TPRG1: variants seen among roughly 807,000 people sequenced by gnomAD.
TPRG1 encodes the protein tumor protein p63-regulated gene 1 protein.
TPRG1 carries 29 observed loss-of-function variants against 29.3 expected under a neutral mutation model. That is an observed-to-expected ratio of 0.99 (90% CI 0.74 to 1.35). The LOEUF (loss-of-function observed/expected upper bound fraction) is 1.35, where lower values mean the gene tolerates loss of function less well. Among genes scored for constraint, TPRG1 ranks in the 40% most tolerant of loss-of-function variants. The pLI is 0.00. For synonymous variants in TPRG1, 130 were observed against 116.8 expected, an observed-to-expected ratio of 1.11 and a Z score of -0.73; for missense variants, 327 against 335.0, an observed-to-expected ratio of 0.98 and a Z score of 0.19.
chr3:189,086,617 T>A (rs1383899288), intron 4 of TPRG1, among the ~76,000 whole-genome samples: 1 of 151,238 alleles, frequency 6.6e-6, no homozygotes, highest in African/African-American at 2.4e-5. Context: ...AACCTCCGCC[T>A]CCCGGATTCA....
intron 3 of TPRG1, among the ~76,000 whole-genome samples, chr3:189,137,418 C>CA (rs1433071123): frequency 1.4e-5 from 2 of 147,414 alleles, no homozygotes; most frequent in African/African-American, 2.5e-5. Flanking sequence ...CAGAACAAAA[C>CA]AAAAAAACAA....
At chr3:189,281,156 A>G (rs1717063507) in intron 4 of TPRG1, among the ~76,000 whole-genome samples, 1 of 152,200 alleles carries the variant, frequency 6.6e-6, no homozygotes, top group Non-Finnish European at 1.5e-5. Context: ...TCATTTCACA[A>G]ATGAGGAAGC....
intron 1 of TPRG1, among the ~76,000 whole-genome samples, chr3:189,106,673 T>C (rs751302814): frequency 1.8e-4 from 27 of 152,180 alleles, no homozygotes; most frequent in Non-Finnish European, 4.0e-4. Flanking sequence ...GACTATTACA[T>C]TTGTAATAAA....
intron 4 of TPRG1, among the ~76,000 whole-genome samples, chr3:189,289,265 T>TA (rs1253641453): frequency 1.3e-5 from 2 of 152,190 alleles, no homozygotes; most frequent in African/African-American, 4.8e-5. Flanking sequence ...TATGCAGGCT[T>TA]AAAAAATCAG....
At chr3:189,061,943 C>A (rs1275058809) in intron 4 of TPRG1, among the ~76,000 whole-genome samples, 1 of 152,118 alleles carries the variant, frequency 6.6e-6, no homozygotes, top group Non-Finnish European at 1.5e-5. Flanking sequence ...TGGGTATACA[C>A]CTAGAGGAAT....
chr3:189,082,237 G>A lies in TPRG1; in HGVS notation c.-462-44820G>A, dbSNP rs142631092. 6.0e-4 allele frequency among the ~76,000 whole-genome samples: 91 copies of A among 152,242 alleles called. No homozygotes were observed. In the East Asian group the frequency reaches 0.015, roughly 26 times the overall value. The stretch of plus-strand genomic sequence containing the variant: ...CAGCTATTTGAAATGAGAAAACCTG[G>A]GTCCTTGCCTGGCTTTGCCATCTCT... On this transcript the variant is annotated intron_variant, in intron 4 of 10. Transcript: ENST00000433971.
chr3:189,118,161 G>A (rs562095194), intron 1 of TPRG1, among the ~76,000 whole-genome samples: 2 of 152,294 alleles, frequency 1.3e-5, no homozygotes, highest in African/African-American at 2.4e-5. Context: ...ATGAAGTCTA[G>A]GCTGAGGTGG....
chr3:189,312,081 G>GTTTCTTTCTTTC (rs1220000280), intron 5 of TPRG1, among the ~76,000 whole-genome samples: 5 of 119,962 alleles, frequency 4.2e-5, no homozygotes, highest in African/African-American at 1.9e-4. Flanking sequence ...AACACTTTAT[G>GTTTCTTTCTTTC]TTTCTTTCTT....
At chr3:189,034,883 A>T (rs111500833) in intron 4 of TPRG1, among the ~76,000 whole-genome samples, 3 of 152,212 alleles carry the variant, frequency 2.0e-5, no homozygotes, top group Admixed American at 6.5e-5. Flanking sequence ...TACAGATTCA[A>T]TGCTATTTCT....
intron 4 of TPRG1, among the ~76,000 whole-genome samples, chr3:189,052,386 A>G (rs978765997): frequency 2.0e-5 from 3 of 152,210 alleles, no homozygotes; most frequent in African/African-American, 4.8e-5. Context: ...CAAAACTACA[A>G]TGAGATACCA....
intron 4 of TPRG1, among the ~76,000 whole-genome samples, chr3:189,078,039 C>T (rs1428780260): frequency 5.4e-5 from 8 of 148,922 alleles, no homozygotes; most frequent in African/African-American, 2.0e-4. Context: ...TTCCTTCCTT[C>T]CTTCCTTCCT....
chr3:189,242,842 A>G (rs1740834398), intron 4 of TPRG1, among the ~76,000 whole-genome samples: 1 of 151,882 alleles, frequency 6.6e-6, no homozygotes, highest in Non-Finnish European at 1.5e-5. Context: ...CCCTCCCATC[A>G]CAGGTCCTGA....
At chr3:189,318,413 T>C (rs973690050) in intron 5 of TPRG1, among the ~76,000 whole-genome samples, 2 of 152,122 alleles carry the variant, frequency 1.3e-5, no homozygotes, top group African/African-American at 2.4e-5. Context: ...TGGGAAGGCA[T>C]TGTGGAAGAT....
intron 3 of TPRG1, among the ~76,000 whole-genome samples, chr3:189,147,292 T>TAACC (rs1280248675): frequency 6.6e-6 from 1 of 152,196 alleles, no homozygotes; most frequent in Non-Finnish European, 1.5e-5. Context: ...CATTCTAATA[T>TAACC]AACCTCTGCT....
chr3:189,230,189 G>A (rs1190288719), intron 3 of TPRG1, among the ~76,000 whole-genome samples: 2 of 152,164 alleles, frequency 1.3e-5, no homozygotes, highest in Non-Finnish European at 2.9e-5. Context: ...TTACTTTTGT[G>A]TAGCATTTAA....
At chr3:189,091,927 T>C (rs1718363053) in intron 4 of TPRG1, among the ~76,000 whole-genome samples, 1 of 152,238 alleles carries the variant, frequency 6.6e-6, no homozygotes. Flanking sequence ...GTAACTTTTC[T>C]GAATCTTTGC....
At chr3:189,140,197 G>C (rs1299865397) in intron 3 of TPRG1, among the ~76,000 whole-genome samples, 1 of 152,128 alleles carries the variant, frequency 6.6e-6, no homozygotes, top group African/African-American at 2.4e-5. Context: ...GTTTTCTCTT[G>C]GTATCTCAAT....
rs1274313469 is a variant in TPRG1 at position 189,040,275 on chromosome 3, C to G, written c.-463+16329C>G. Among the ~76,000 whole-genome samples, 3 of 152,304 alleles carry G rather than the reference C, an allele frequency of 2.0e-5. No homozygotes were observed. The East Asian group carries it at 5.8e-4, about 29-fold the overall frequency. On this transcript the variant is annotated intron_variant, in intron 4 of 10. Transcript: ENST00000433971. ...AAATAGACTTTTATGACTCCTTAGA[C>G]ATTTAGGAAAACAGCGAAATATTGA...
At chr3:189,267,957 G>T (rs531720709) in intron 4 of TPRG1, among the ~76,000 whole-genome samples, 38 of 152,296 alleles carry the variant, frequency 2.5e-4, no homozygotes, top group Non-Finnish European at 4.9e-4. Context: ...GGTAAAAGGT[G>T]TTGGATGCCT....
Sources: gnomAD v4.1 joint callset for allele counts (sites outside exome capture counted in the v4.1 genomes callset) on GRCh38, gnomAD v4.1.1 for gene constraint, MANE v1.5 for transcripts, NCBI Gene and HGNC (gene_info 2026-07-23, HGNC 2026-07-21) for gene names.